POMGNT1: variants seen among roughly 807,000 people sequenced by gnomAD.
The protein encoded by POMGNT1 is protein O-linked-mannose beta-1,2-N-acetylglucosaminyltransferase 1.
In POMGNT1, 67 loss-of-function variants were observed where a neutral mutation model predicts 95.6. The ratio of observed to expected loss-of-function variants is 0.70; its 90% CI spans 0.58 to 0.86. POMGNT1 has a LOEUF of 0.86. Ranked by LOEUF, POMGNT1 falls within the 40% of genes least tolerant of loss-of-function variation. POMGNT1 has a pLI of 0.00. For synonymous variants in POMGNT1, 298 were observed against 317.9 expected, an observed-to-expected ratio of 0.94 and a Z score of 0.66; for missense variants, 719 against 855.2, an observed-to-expected ratio of 0.84 and a Z score of 1.99.
rs768080962 is a variant in POMGNT1, at chr1:46,189,336, G to A, written c.1917C>T (p.Val639=). The A allele has an allele frequency of 2.5e-6, 4 of 1,613,898 alleles. No individual in the cohort carries two copies. The highest frequency in any genetic ancestry group is 2.2e-5 in the South Asian group (2 of 91,068). Residue 639 remains valine, a synonymous_variant, in exon 22 of 22, where the codon GTC becomes GTT. Coordinates refer to ENST00000371984, the MANE Select transcript of POMGNT1 (RefSeq NM_017739.4). ...GGGGTGGCTCCAGGAAAATTGGGGT[G>A]ACTGAGGGTGGCTTCTTCACTCTGG... is the stretch of plus-strand genomic sequence containing the variant. ...SPYSVKKPPS[V]TPIFLEPPPK...
At position 46,212,054 on chromosome 1, in the gene POMGNT1, A is replaced by G. The variant is rs72897097; in HGVS notation, c.-51+7651T>C. Reference sequence around the variant, plus strand: ...CGGGATTACAGGAGTGAGCTACCACACCTGGCCTCAATGTACAAATATTAA... The same window carrying G: ...CGGGATTACAGGAGTGAGCTACCACGCCTGGCCTCAATGTACAAATATTAA... On this transcript the variant is annotated intron_variant, in intron 1 of 22. Coordinates refer to the POMGNT1 transcript ENST00000371992. Among the ~76,000 whole-genome samples, 1,260 of 152,174 alleles carry G rather than the reference A, an allele frequency of 8.3e-3. 20 individuals carry two copies. The highest frequency in any genetic ancestry group is 0.037 in the Middle Eastern group (11 of 294).
At chr1:46,201,704 AAAAAAAAAAAG>A (rs1658538179), upstream of POMGNT1, among the ~76,000 whole-genome samples, 1 of 151,648 alleles carries the variant, frequency 6.6e-6, no homozygotes, top group Non-Finnish European at 1.5e-5. Context: ...TCTCAAAAAA[AAAAAAAAAAAG>A]AAAAAAGAAA....
chr1:46,193,769 C>T, intron 10 of POMGNT1, 86 bp downstream of exon 10: 4 of 1,598,888 alleles, frequency 2.5e-6, no homozygotes, highest in Non-Finnish European at 3.4e-6. Context: ...TATTGCCTTT[C>T]TGCCCACCTC....
In POMGNT1 at chr1:46,197,877, G is replaced by A. The variant is rs2148223232; in HGVS notation, c.-50-6C>T. ...CAGCCCATGACTTCAGGAATCTGAAGGGACCAGAGGGCCACATGGGGTAAG... is the reference window on the plus strand; with the variant it reads ...CAGCCCATGACTTCAGGAATCTGAAAGGACCAGAGGGCCACATGGGGTAAG... On this transcript the variant is annotated splice_region_variant and splice_polypyrimidine_tract_variant and intron_variant, in intron 1 of 21. Transcript: ENST00000371984. The A allele has an allele frequency of 1.9e-6, 3 of 1,610,196 alleles. No individual in the cohort carries two copies. Among genetic ancestry groups the A allele is most frequent in the East Asian group, 2.2e-5 (1 of 44,784 alleles).
At position 46,196,084 on chromosome 1, in the gene POMGNT1, A is replaced by G; in HGVS notation, c.355-7T>C. 6.2e-7 allele frequency: 1 copy of G among 1,613,930 alleles called. No homozygotes were observed. Among genetic ancestry groups the G allele is most frequent in the Non-Finnish European group, 8.5e-7 (1 of 1,180,006 alleles). On this transcript the variant is annotated splice_polypyrimidine_tract_variant and splice_region_variant and intron_variant, in intron 4 of 21. Coordinates refer to ENST00000371984, the MANE Select transcript of POMGNT1 (RefSeq NM_017739.4). The surrounding 1 kb of genome is among the most constrained non-coding windows in gnomAD (Gnocchi z 4.4). ...GGGCCTCATCCTCCAGCACCTACAC[A>G]GTGGCAGAGACAAAGTCCAGCTTTT...
chr1:46,190,757 T>TG lies in POMGNT1; in HGVS notation c.1566dup (p.Asn523GlnfsTer20). On this transcript the variant is annotated frameshift_variant, in exon 18 of 22. Coordinates refer to ENST00000371984, the MANE Select transcript of POMGNT1 (RefSeq NM_017739.4). LOFTEE classifies it high-confidence loss of function. Reference sequence around the variant, plus strand: ...CTGAGCTGGACACCTGGAACCGTGTTGAACTTGTGCTTCTTGAAGTAGGCC... The same window carrying TG: ...CTGAGCTGGACACCTGGAACCGTGTTGGAACTTGTGCTTCTTGAAGTAGGCC... The TG allele has an allele frequency of 6.2e-7, 1 of 1,613,962 alleles. No individual in the cohort carries two copies. Among genetic ancestry groups the TG allele is most frequent in the Non-Finnish European group, 8.5e-7 (1 of 1,179,862 alleles).
chr1:46,215,162 C>T (rs1335002393), intron 1 of POMGNT1, among the ~76,000 whole-genome samples: 1 of 147,980 alleles, frequency 6.8e-6, no homozygotes, highest in Non-Finnish European at 1.5e-5. Flanking sequence ...GGAGGTGGAG[C>T]TTGCAGTAAG....
intron 20 of POMGNT1, 47 bp downstream of exon 20, chr1:46,189,807 T>A (rs201277496): frequency 1.2e-6 from 2 of 1,611,758 alleles, no homozygotes; most frequent in Non-Finnish European, 1.7e-6. Flanking sequence ...GGGCAGTATG[T>A]GTGTGAGGGG....
chr1:46,203,558 G>A, intron 1 of POMGNT1: 1 of 1,566,098 alleles, frequency 6.4e-7, no homozygotes, highest in South Asian at 1.2e-5. Context: ...GCGCCCTGCT[G>A]CTCCCAGGGG....
intron 1 of POMGNT1, among the ~76,000 whole-genome samples, chr1:46,209,797 C>T (rs1298895076): frequency 6.6e-6 from 1 of 151,946 alleles, no homozygotes; most frequent in Non-Finnish European, 1.5e-5. Flanking sequence ...AAGCATGAGC[C>T]ACCATGCACG....
intron 1 of POMGNT1, among the ~76,000 whole-genome samples, chr1:46,215,460 A>G (rs951909445): frequency 6.6e-6 from 1 of 152,254 alleles, no homozygotes; most frequent in Admixed American, 6.5e-5. Flanking sequence ...AAAATAACCC[A>G]CACCATGGCA....
At chr1:46,192,689 CT>C in intron 14 of POMGNT1, 99 bp from the exon 15 acceptor site, 1 of 1,600,744 alleles carries the variant, frequency 6.2e-7, no homozygotes. Context: ...GGAGCACCTC[CT>C]TCCTGGAGTA....
At chr1:46,209,577 C>A (rs1157603450) in intron 1 of POMGNT1, among the ~76,000 whole-genome samples, 1 of 143,064 alleles carries the variant, frequency 7.0e-6, no homozygotes, top group Non-Finnish European at 1.5e-5. Context: ...TGGAGTCTCG[C>A]TCTGTTGCCC....
intron 20 of POMGNT1, 59 bp downstream of exon 20, chr1:46,189,795 T>TGG: frequency 6.2e-7 from 1 of 1,608,618 alleles, no homozygotes; most frequent in Non-Finnish European, 8.5e-7. Context: ...CCCTGGATCT[T>TGG]GGGGCAGTAT....
intron 9 of POMGNT1, 53 bp downstream of exon 9, chr1:46,194,221 C>T: frequency 1.2e-6 from 2 of 1,614,014 alleles, no homozygotes; most frequent in South Asian, 2.2e-5. Context: ...CCTGGGGCCC[C>T]CCTGCTGAGC....
At position 46,193,316 on chromosome 1, in the gene POMGNT1, G is replaced by A. The variant is rs36038536; in HGVS notation, c.1099C>T (p.Arg367Cys). The A allele has an allele frequency of 4.0e-5, 64 of 1,613,552 alleles. No individual in the cohort carries two copies. Among genetic ancestry groups the A allele is most frequent in the Non-Finnish European group, 4.7e-5 (55 of 1,179,858 alleles). ...QHTPISIKNA[R>C]VSQHYKASLT... The stretch of plus-strand genomic sequence containing the variant: ...TGCCTATGCAGTACCTGAGACACGC[G>A]GGCATTCTTGATGCTGATGGGAGTA... The change falls in exon 12 of 22, where the codon CGC becomes TGC. Residue 367 changes from arginine to cysteine, a missense_variant. Physicochemically the swap from Arg to Cys is radical, Grantham distance 180 (BLOSUM62 -3). Around this residue, in one of 5 missense-constraint regions of POMGNT1, gnomAD observed 466 missense variants for 517.4 expected, o/e 0.90. Coordinates refer to ENST00000371984, the MANE Select transcript of POMGNT1 (RefSeq NM_017739.4).
chr1:46,197,671 T>G, intron 2 of POMGNT1, 31 bp downstream of exon 2: 1 of 1,613,742 alleles, frequency 6.2e-7, no homozygotes, highest in Non-Finnish European at 8.5e-7. Context: ...GAGGGAGCGC[T>G]CGGTGGGGAG....
intron 10 of POMGNT1, 58 bp downstream of exon 10, chr1:46,193,797 G>T: frequency 6.2e-7 from 1 of 1,608,874 alleles, no homozygotes. Flanking sequence ...CCTCCTGGAG[G>T]TAGATGACCT....
At chr1:46,201,444 A>T (rs1658528951), upstream of POMGNT1, among the ~76,000 whole-genome samples, 1 of 152,148 alleles carries the variant, frequency 6.6e-6, no homozygotes, top group African/African-American at 2.4e-5. Context: ...TCACACCTGT[A>T]ATCCCAGCAC....
Sources: gnomAD v4.1 joint callset for allele counts (sites outside exome capture counted in the v4.1 genomes callset) on GRCh38, gnomAD v4.1.1 for gene constraint, gnomAD v4.1.1 regional missense constraint, Gnocchi (gnomAD v3.1) non-coding constraint, MANE v1.5 for transcripts, NCBI Gene and HGNC (gene_info 2026-07-23, HGNC 2026-07-21) for gene names.